Variants in RBL2 observed in about 807,000 individuals in gnomAD.
RBL2 encodes the protein RB transcriptional corepressor like 2.
RBL2 carries 56 observed loss-of-function variants against 126.0 expected under a neutral mutation model. The observed-to-expected ratio is 0.44, with a 90% CI of 0.36 to 0.56. The LOEUF is 0.56. Among genes scored for constraint, RBL2 ranks in the 20% least tolerant of loss-of-function variants. The pLI is 0.00. For missense variants in RBL2, 1,229 were observed against 1,398.2 expected (o/e 0.88, Z 1.93); for synonymous variants, 454 against 478.5 (o/e 0.95, Z 0.67).
At chr16:53,441,114 T>C (rs2058011740) in intron 2 of RBL2, among the ~76,000 whole-genome samples, 1 of 151,810 alleles carries the variant, frequency 6.6e-6, no homozygotes, top group African/African-American at 2.4e-5. Flanking sequence ...CACATACCAC[T>C]ATACCTGACT....
intron 21 of RBL2, among the ~76,000 whole-genome samples, chr16:53,483,799 T>A (rs552753094): frequency 6.7e-6 from 1 of 149,398 alleles, no homozygotes; most frequent in African/African-American, 2.5e-5. Flanking sequence ...ATCGCTTGAA[T>A]CCCGGAGGCA....
At chr16:53,454,562 A>G in intron 7 of RBL2, 94 bp from the exon 8 acceptor site, 6 of 1,197,684 alleles carry the variant, frequency 5.0e-6, no homozygotes, top group Non-Finnish European at 5.8e-6. Flanking sequence ...TCAAAAAACT[A>G]TTAGAACTTT....
At chr16:53,464,682 C>A (rs1424207000) in intron 12 of RBL2, 1 of 189,824 alleles carries the variant, frequency 5.3e-6, no homozygotes, top group Non-Finnish European at 1.1e-5. Flanking sequence ...TGTATAGCAG[C>A]CTTTTTTTAT....
At chr16:53,480,305 A>G (rs144154569) in intron 19 of RBL2, 1 of 536,812 alleles carries the variant, frequency 1.9e-6, no homozygotes, top group African/African-American at 1.9e-5. Context: ...GCTTTGTACC[A>G]CTTAGTACAG....
chr16:53,486,853 A>G (rs543760341), intron 21 of RBL2, among the ~76,000 whole-genome samples: 5 of 152,370 alleles, frequency 3.3e-5, no homozygotes, highest in African/African-American at 4.8e-5. Flanking sequence ...AGCTACTGGA[A>G]CTAATAAGGG....
chr16:53,440,563 G>GT (rs752723721), intron 2 of RBL2, among the ~76,000 whole-genome samples: 37 of 151,682 alleles, frequency 2.4e-4, no homozygotes, highest in East Asian at 1.2e-3. Context: ...ATTTCATTCT[G>GT]TTTTTTTTGA....
chr16:53,445,861 A>G (rs563017723), intron 3 of RBL2: 1 of 152,374 alleles, frequency 6.6e-6, no homozygotes, highest in East Asian at 1.9e-4. Flanking sequence ...TAAAAGTCCC[A>G]TGACTACCAG....
At chr16:53,488,762 A>T (rs1324426945) in intron 21 of RBL2, 1 of 152,208 alleles carries the variant, frequency 6.6e-6, no homozygotes, top group African/African-American at 2.4e-5. Flanking sequence ...AAAATAAATT[A>T]TGGTAGCATT....
chr16:53,464,337 G>C lies in RBL2; in HGVS notation c.1672G>C (p.Asp558His). Reference protein sequence around the residue: ...GNFPFITEIFDVPLYHFYKVI... With the variant: ...GNFPFITEIFHVPLYHFYKVI... ...TTTTCCATTTATTACTGAAATATTT[G>C]ATGTGCCTCTTTATCATTTTTATAA... Residue 558 changes from aspartate to histidine, a missense_variant, in exon 12 of 22, where the codon GAT becomes CAT. Transcript: ENST00000262133. The C allele has an allele frequency of 6.3e-7, 1 of 1,581,432 alleles. No homozygotes were observed.
chr16:53,470,247 G>C, intron 15 of RBL2, 62 bp downstream of exon 15: 7 of 1,563,324 alleles, frequency 4.5e-6, no homozygotes, highest in African/African-American at 1.4e-5. Flanking sequence ...AAAGTTACCC[G>C]AGGTTTGGCT....
chr16:53,470,290 A>G, intron 15 of RBL2, 93 bp from the exon 16 acceptor site: 4 of 1,561,452 alleles, frequency 2.6e-6, no homozygotes, highest in Non-Finnish European at 3.5e-6. Context: ...AGTGATGGGG[A>G]GAGAGGGTTT....
intron 3 of RBL2, among the ~76,000 whole-genome samples, chr16:53,445,592 G>A (rs76902249): frequency 0.013 from 1,950 of 152,268 alleles, 52 homozygotes; most frequent in African/African-American, 0.044. Flanking sequence ...GCACAACCAA[G>A]CGTGGAGTTC....
intron 1 of RBL2, chr16:53,435,485 A>G (rs1296213385): frequency 1.1e-6 from 1 of 947,928 alleles, no homozygotes; most frequent in Non-Finnish European, 1.4e-6. Flanking sequence ...TGTTGTTGCG[A>G]TCCGGGTGTG....
intron 21 of RBL2, among the ~76,000 whole-genome samples, chr16:53,484,386 A>G (rs1961077266): frequency 6.6e-6 from 1 of 152,232 alleles, no homozygotes; most frequent in Admixed American, 6.5e-5. Flanking sequence ...TAAATGTACC[A>G]ATTAATAGTT....
In RBL2 at chr16:53,434,523, C is replaced by T. The variant is rs2057934152; in HGVS notation, c.-34C>T. ...GAATGGCTGCGGGCCCGGGCCCTCA[C>T]CTCACCTGAGGTCCGGCCGCCCAGG... On this transcript the variant is annotated 5_prime_UTR_variant, in exon 1 of 22. Transcript: ENST00000262133. 2 of 1,406,796 alleles carry T rather than the reference C, an allele frequency of 1.4e-6. No homozygotes were observed. Among genetic ancestry groups the T allele is most frequent in the African/African-American group, 1.5e-5 (1 of 66,670 alleles). The allele number at this position is 1,406,796 out of a possible 1,614,324, so 87.1% of individuals were successfully genotyped here.
chr16:53,478,541 A>T (rs1598126428), intron 17 of RBL2, among the ~76,000 whole-genome samples: 1 of 101,662 alleles, frequency 9.8e-6, no homozygotes, highest in Admixed American at 1.4e-4. Context: ...CATGTTTGCT[A>T]ATCCTTTTTT....
intron 17 of RBL2, among the ~76,000 whole-genome samples, chr16:53,476,419 C>T (rs1960730053): frequency 6.6e-6 from 1 of 152,130 alleles, no homozygotes; most frequent in African/African-American, 2.4e-5. Flanking sequence ...ATGCTCTATC[C>T]TAATGAATTT....
intron 4 of RBL2, among the ~76,000 whole-genome samples, chr16:53,451,101 A>G (rs993384119): frequency 6.6e-6 from 1 of 152,248 alleles, no homozygotes; most frequent in Non-Finnish European, 1.5e-5. Flanking sequence ...ATTTTCAAAG[A>G]AAAGACCAAT....
chr16:53,459,487 G>A lies in RBL2; in HGVS notation c.1216G>A (p.Val406Ile), dbSNP rs769914648. 6.6e-5 allele frequency: 106 copies of A among 1,612,964 alleles called. 1 individual carries two copies. Among genetic ancestry groups the A allele is most frequent in the South Asian group, 1.1e-5 (1 of 90,884 alleles). Reference sequence around the variant, plus strand: ...TAGAATCTCCACACCACTAACTGGTGTTAGGTACATTAAGGAGAATAGCCC... The same window carrying A: ...TAGAATCTCCACACCACTAACTGGTATTAGGTACATTAAGGAGAATAGCCC... ...ALRISTPLTG[V>I]RYIKENSPCV... The change falls in exon 9 of 22, where the codon GTT becomes ATT. Residue 406 changes from valine to isoleucine, a missense_variant. Transcript: ENST00000262133.
Sources: gnomAD v4.1 joint callset for allele counts (sites outside exome capture counted in the v4.1 genomes callset) on GRCh38, gnomAD v4.1.1 for gene constraint, MANE v1.5 for transcripts, NCBI Gene and HGNC (gene_info 2026-07-23, HGNC 2026-07-21) for gene names.